PPP1R13B: variants seen among roughly 807,000 people sequenced by gnomAD.
PPP1R13B encodes the protein protein phosphatase 1 regulatory subunit 13B.
Under a neutral mutation model 119.8 loss-of-function variants are expected in PPP1R13B, and 44 were observed. The ratio of observed to expected loss-of-function variants is 0.37; its 90% CI spans 0.29 to 0.47. The LOEUF (loss-of-function observed/expected upper bound fraction) is 0.47, where lower values mean the gene tolerates loss of function less well. Ranked by LOEUF, PPP1R13B falls within the 20% of genes least tolerant of loss-of-function variation. PPP1R13B has a pLI of 0.99. For missense variants in PPP1R13B, 1,227 were observed against 1,413.5 expected (o/e 0.87, Z 2.12); for synonymous variants, 542 against 561.5 (o/e 0.97, Z 0.49).
chr14:103,781,879 C>G (rs192611556), intron 3 of PPP1R13B, among the ~76,000 whole-genome samples: 2 of 152,192 alleles, frequency 1.3e-5, no homozygotes, highest in East Asian at 3.9e-4. Context: ...GTCTCGATCT[C>G]CTGACCTCGT....
intron 1 of PPP1R13B, among the ~76,000 whole-genome samples, chr14:103,803,731 T>C (rs2085956031): frequency 6.6e-6 from 1 of 152,218 alleles, no homozygotes; most frequent in African/African-American, 2.4e-5. Flanking sequence ...AAATTTCTAA[T>C]TGTGTGCTGT....
rs373129827 is a variant in PPP1R13B, at chr14:103,826,835, T to C, written c.9+20464A>G. On this transcript the variant is annotated intron_variant, in intron 1 of 16. Transcript: ENST00000202556. ...CATCCTGGCTAACAAGGTGAAACCC[T>C]GTCTCTACTAAAAATACAAAAAAAA... 2.3e-3 allele frequency among the ~76,000 whole-genome samples: 323 copies of C among 138,804 alleles called. 2 individuals carry two copies. In the Middle Eastern group the frequency reaches 0.025, roughly 11 times the overall value. The allele number at this position is 138,804 out of a possible 152,430, so 91.1% of individuals were successfully genotyped here.
chr14:103,794,187 G>A (rs769289630), intron 2 of PPP1R13B, among the ~76,000 whole-genome samples: 1 of 152,070 alleles, frequency 6.6e-6, no homozygotes, highest in African/African-American at 2.4e-5. Flanking sequence ...ACTTTGTTAC[G>A]GCAGCCTCAG....
chr14:103,797,878 CAAG>C (rs1255387808), intron 1 of PPP1R13B, among the ~76,000 whole-genome samples: 1 of 151,826 alleles, frequency 6.6e-6, no homozygotes, highest in South Asian at 2.1e-4. Flanking sequence ...TCTCAAAAAT[CAAG>C]GAGGGAAAAC....
At chr14:103,837,862 T>A (rs920482445) in intron 1 of PPP1R13B, among the ~76,000 whole-genome samples, 1 of 152,116 alleles carries the variant, frequency 6.6e-6, no homozygotes. Flanking sequence ...CTCACAACTG[T>A]AATCCCAGCA....
chr14:103,790,112 G>A (rs1156241083), intron 2 of PPP1R13B, among the ~76,000 whole-genome samples: 1 of 152,006 alleles, frequency 6.6e-6, no homozygotes, highest in Non-Finnish European at 1.5e-5. Context: ...TGGGCATGGT[G>A]GCGGGCGCCT....
chr14:103,757,914 C>T (rs890723441), intron 4 of PPP1R13B, among the ~76,000 whole-genome samples, 163 bp from the exon 5 acceptor site: 2 of 152,158 alleles, frequency 1.3e-5, no homozygotes, highest in African/African-American at 2.4e-5. Flanking sequence ...TTGTTGACTG[C>T]TTTTATGAAA....
intron 1 of PPP1R13B, among the ~76,000 whole-genome samples, chr14:103,837,620 C>T (rs1445511395): frequency 6.6e-6 from 1 of 152,030 alleles, no homozygotes; most frequent in Non-Finnish European, 1.5e-5. Context: ...CACTCTCCAT[C>T]CGATCTATTT....
chr14:103,839,823 T>G (rs758554402), intron 1 of PPP1R13B, among the ~76,000 whole-genome samples: 19 of 152,172 alleles, frequency 1.2e-4, no homozygotes, highest in Non-Finnish European at 2.6e-4. Flanking sequence ...ACATGGCGTT[T>G]GCATTTTCTT....
intron 3 of PPP1R13B, among the ~76,000 whole-genome samples, chr14:103,783,946 G>A (rs976858307): frequency 6.6e-6 from 1 of 152,118 alleles, no homozygotes; most frequent in Non-Finnish European, 1.5e-5. Context: ...AGATCTTCCA[G>A]AACTTTCTTC....
intron 4 of PPP1R13B, among the ~76,000 whole-genome samples, chr14:103,775,805 T>C (rs914850930): frequency 1.3e-5 from 2 of 152,160 alleles, no homozygotes; most frequent in Non-Finnish European, 2.9e-5. Context: ...AAGAACTCTG[T>C]AGAGGCTCTT....
rs910949704 is a variant in PPP1R13B at position 103,792,194 on chromosome 14, GTGTGTGTA to G, written c.157+5169_157+5176del. 2.6e-4 allele frequency among the ~76,000 whole-genome samples: 37 copies of G among 140,664 alleles called. 1 individual carries two copies. The highest frequency in any genetic ancestry group is 8.8e-4 in the African/African-American group (35 of 39,696). The allele number at this position is 140,664 out of a possible 152,430, so 92.3% of individuals were successfully genotyped here. On this transcript the variant is annotated intron_variant, in intron 2 of 16. Transcript: ENST00000202556. ...CGTGTGTGTGTGTGTGTGTGTGTGT[GTGTGTGTA>G]TATTTTTTTAAAGACAGGGTCGCAC...
chr14:103,822,390 C>T (rs1346246329), intron 1 of PPP1R13B, among the ~76,000 whole-genome samples: 1 of 152,156 alleles, frequency 6.6e-6, no homozygotes, highest in Non-Finnish European at 1.5e-5. Flanking sequence ...CCTTCTTGGC[C>T]TCCCAAAGTG....
intron 1 of PPP1R13B, among the ~76,000 whole-genome samples, chr14:103,826,955 T>C (rs2086559603): frequency 6.6e-6 from 1 of 150,626 alleles, no homozygotes; most frequent in South Asian, 2.1e-4. Context: ...GAGCTTGCAG[T>C]GAGCGGAGAT....
intron 1 of PPP1R13B, among the ~76,000 whole-genome samples, chr14:103,802,563 A>G (rs971949422): frequency 7.9e-5 from 12 of 152,196 alleles, no homozygotes; most frequent in African/African-American, 2.7e-4. Context: ...CTAGCAAAAC[A>G]TTTGCACAAT....
chr14:103,764,412 T>C (rs948264016), intron 4 of PPP1R13B: 1 of 316,562 alleles, frequency 3.2e-6, no homozygotes, highest in South Asian at 2.4e-5. Flanking sequence ...TTTGATGAGA[T>C]GTCTATTTTT....
At chr14:103,816,956 T>C (rs2086296107) in intron 1 of PPP1R13B, among the ~76,000 whole-genome samples, 1 of 152,218 alleles carries the variant, frequency 6.6e-6, no homozygotes, top group Admixed American at 6.5e-5. Context: ...TTTTTACAAA[T>C]GACTCTATCC....
intron 4 of PPP1R13B, among the ~76,000 whole-genome samples, chr14:103,766,367 T>C (rs1016044391): frequency 1.1e-4 from 16 of 152,146 alleles, no homozygotes; most frequent in Non-Finnish European, 2.4e-4. Flanking sequence ...TCTGGGCAGC[T>C]GGTTGACTGG....
Position 103,742,753 on chromosome 14 carries a change from A to G in PPP1R13B, c.1221T>C (p.Gly407=). 1 of 1,614,142 alleles carries G rather than the reference A, an allele frequency of 6.2e-7. No homozygotes were observed. Among genetic ancestry groups the G allele is most frequent in the Non-Finnish European group, 8.5e-7 (1 of 1,180,034 alleles). ...CCACGCTCGGATCCTTCCAGTCTGC[A>G]CCGGCCACCTGCACTGGTTTCACGG... The part of the protein sequence containing the change: ...SSSVKPVQVA[G]ADWKDPSVEG... Residue 407 remains glycine (G), a synonymous_variant, in exon 10 of 17, where the codon GGT becomes GGC. Transcript: ENST00000202556. The surrounding 1 kb of genome is among the most constrained non-coding windows in gnomAD (Gnocchi z 4.9).
Sources: gnomAD v4.1 joint callset for allele counts (sites outside exome capture counted in the v4.1 genomes callset) on GRCh38, gnomAD v4.1.1 for gene constraint, Gnocchi (gnomAD v3.1) non-coding constraint, MANE v1.5 for transcripts, NCBI Gene and HGNC (gene_info 2026-07-23, HGNC 2026-07-21) for gene names.